SLCO1A2: variants seen among roughly 807,000 people sequenced by gnomAD.
SLCO1A2 encodes solute carrier organic anion transporter family member 1A2.
A neutral mutation model predicts 69.0 loss-of-function variants in SLCO1A2; 67 were observed. That is an observed-to-expected ratio of 0.97 (90% CI 0.80 to 1.19). The LOEUF is 1.19. Among genes scored for constraint, SLCO1A2 ranks in the 50% most tolerant of loss-of-function variants. The probability of loss-of-function intolerance (pLI) is 0.00; values close to 1 mark genes in which losing one functional copy is unlikely to be tolerated. For missense variants in SLCO1A2, 787 were observed against 793.7 expected (o/e 0.99, Z 0.10); for synonymous variants, 260 against 265.9 (o/e 0.98, Z 0.22).
rs1942000838 is a variant in SLCO1A2, at chr12:21,265,713, G to A, written c.*3835C>T. On this transcript the variant is annotated 3_prime_UTR_variant, in exon 15 of 15. Coordinates refer to ENST00000683939, the MANE Select transcript of SLCO1A2 (RefSeq NM_001386879.1). ...AAGGGCTCAGGAGAATTTCCTCAAG[G>A]TGTCTTGAAACCTGCACTCTCCAGT... 1 of 152,044 alleles carries A rather than the reference G, an allele frequency of 6.6e-6. No individual in the cohort carries two copies. The highest frequency in any genetic ancestry group is 1.5e-5 in the Non-Finnish European group (1 of 68,012). 9.4% of individuals were successfully genotyped at this position (152,044 alleles called of 1,614,324 possible).
chr12:21,301,940 C>T (rs1341608742), intron 6 of SLCO1A2, among the ~76,000 whole-genome samples: 1 of 152,146 alleles, frequency 6.6e-6, no homozygotes, highest in African/African-American at 2.4e-5. Flanking sequence ...ACACGAGCTT[C>T]TTCAACTTTC....
At chr12:21,299,923 C>T (rs1038284650) in intron 8 of SLCO1A2, among the ~76,000 whole-genome samples, 8 of 138,948 alleles carry the variant, frequency 5.8e-5, no homozygotes, top group East Asian at 2.4e-4. Flanking sequence ...TATATATATA[C>T]ATGACCCTCT....
At chr12:21,363,127 T>C (rs1243216054) in intron 2 of SLCO1A2, among the ~76,000 whole-genome samples, 1 of 152,172 alleles carries the variant, frequency 6.6e-6, no homozygotes, top group Non-Finnish European at 1.5e-5. Context: ...TATTCCAAAA[T>C]GGACCACATA....
At chr12:21,352,943 T>A (rs2137017966) in intron 2 of SLCO1A2, among the ~76,000 whole-genome samples, 1 of 152,306 alleles carries the variant, frequency 6.6e-6, no homozygotes, top group African/African-American at 2.4e-5. Context: ...CACAAGTTAT[T>A]AAACTTTCGA....
Position 21,269,693 on chromosome 12 carries a change from A to C in SLCO1A2, c.1868T>G (p.Leu623Trp). The C allele has an allele frequency of 6.2e-7, 1 of 1,612,760 alleles. No individual in the cohort carries two copies. The highest frequency in any genetic ancestry group is 8.5e-7 in the Non-Finnish European group (1 of 1,179,090). Residue 623 changes from leucine (L) to tryptophan (W), a missense_variant, in exon 15 of 15, where the codon TTG (leucine) becomes TGG (tryptophan). Transcript: ENST00000683939. ...TTCACCAGGTAGATGACACTTCCTC[A>C]AAAGAATTAAGATGATTAAGGCTGG... Reference protein sequence around the residue: ...FVPALIILILLRKCHLPGENA... With the variant: ...FVPALIILILWRKCHLPGENA...
intron 2 of SLCO1A2, 84 bp downstream of exon 2, chr12:21,334,504 G>T: frequency 3.2e-6 from 3 of 935,592 alleles, no homozygotes; most frequent in Non-Finnish European, 5.0e-6. Flanking sequence ...ATCACTTCAT[G>T]CAGATAGGAG....
chr12:21,397,572 T>G (rs1021147439), upstream of SLCO1A2, among the ~76,000 whole-genome samples: 8 of 152,144 alleles, frequency 5.3e-5, no homozygotes, highest in Non-Finnish European at 1.2e-4. Context: ...GAATATACAT[T>G]TTTTTCAGCA....
rs986792372 is a variant in SLCO1A2 at position 21,304,570 on chromosome 12, C to A, written c.446G>T (p.Cys149Phe). Reference protein sequence around the residue: ...ILRPTQDPSECTKEVKSLMWV... With the variant: ...ILRPTQDPSEFTKEVKSLMWV... Reference sequence around the variant, plus strand: ...CATTAATGATTTAACTTCCTTTGTACACTCTGCATTAAAAAAAAAAGACAT... The same window carrying A: ...CATTAATGATTTAACTTCCTTTGTAAACTCTGCATTAAAAAAAAAAGACAT... The change falls in exon 6 of 15, where the codon TGT becomes TTT. Residue 149 changes from cysteine to phenylalanine, a missense_variant. Physicochemically the swap from Cys to Phe is radical, Grantham distance 205 (BLOSUM62 -2). Transcript: ENST00000683939. 2.5e-6 allele frequency: 4 copies of A among 1,585,794 alleles called. No homozygotes were observed. The highest frequency in any genetic ancestry group is 3.4e-6 in the Non-Finnish European group (4 of 1,172,512).
chr12:21,418,902 T>A (rs755634852), upstream of SLCO1A2, among the ~76,000 whole-genome samples: 6 of 152,152 alleles, frequency 3.9e-5, no homozygotes, highest in Non-Finnish European at 7.3e-5. Context: ...CTAAGAATAG[T>A]TTTTATATTT....
At chr12:21,310,849 C>T (rs922923330) in intron 4 of SLCO1A2, among the ~76,000 whole-genome samples, 2 of 152,138 alleles carry the variant, frequency 1.3e-5, no homozygotes, top group East Asian at 1.9e-4. Flanking sequence ...GTGATCCGCC[C>T]GCCTTGGCCT....
intron 2 of SLCO1A2, among the ~76,000 whole-genome samples, chr12:21,346,387 A>T (rs1423473565): frequency 1.3e-5 from 2 of 152,170 alleles, no homozygotes; most frequent in Non-Finnish European, 2.9e-5. Flanking sequence ...AAACACGGAT[A>T]TATTTTTACT....
At chr12:21,385,008 G>A (rs902470677) in intron 1 of SLCO1A2, among the ~76,000 whole-genome samples, 3 of 151,966 alleles carry the variant, frequency 2.0e-5, no homozygotes, top group African/African-American at 7.3e-5. Context: ...CTCGTCATCC[G>A]TCCGTCTCGG....
chr12:21,306,870 G>A lies in SLCO1A2; in HGVS notation c.442+12C>T. ...TTCGCTGAACAAAAATCAATACAAT[G>A]AAGTAGACAACCTGATGGATCCTGC... On this transcript the variant is annotated intron_variant, in intron 5 of 14. Transcript: ENST00000683939. 1 of 1,590,328 alleles carries A rather than the reference G, an allele frequency of 6.3e-7. No homozygotes were observed.
chr12:21,290,600 C>T (rs766468495), intron 12 of SLCO1A2, among the ~76,000 whole-genome samples: 6 of 151,914 alleles, frequency 3.9e-5, no homozygotes, highest in African/African-American at 1.5e-4. Flanking sequence ...CTTTATTATT[C>T]GGAGAAAAAT....
intron 2 of SLCO1A2, among the ~76,000 whole-genome samples, chr12:21,358,516 A>G (rs1211743064): frequency 2.6e-5 from 4 of 152,306 alleles, no homozygotes; most frequent in South Asian, 2.1e-4. Flanking sequence ...TAACACAAAA[A>G]GTATTATAAT....
chr12:21,378,709 C>T (rs552412745), intron 1 of SLCO1A2: 22 of 298,456 alleles, frequency 7.4e-5, no homozygotes, highest in African/African-American at 2.6e-4. Context: ...GGTTTAAGAA[C>T]GAAGGAGAAA....
intron 14 of SLCO1A2, among the ~76,000 whole-genome samples, chr12:21,273,399 C>T (rs991608155): frequency 4.6e-5 from 7 of 152,122 alleles, no homozygotes; most frequent in Admixed American, 2.6e-4. Context: ...ACAAGAAAAG[C>T]AGAAATGTAG....
rs143252087 is a variant in SLCO1A2 at position 21,318,879 on chromosome 12, C to G, written c.105G>C (p.Leu35=). The change falls in exon 3 of 15, where the codon CTG becomes CTC. Residue 35 remains leucine, a synonymous_variant. Coordinates refer to ENST00000683939, the MANE Select transcript of SLCO1A2 (RefSeq NM_001386879.1). ...GCATGGAATTCATATAAGATCCAGA[C>G]AGTGTTTTGGATACAAATGCACATG... is the stretch of plus-strand genomic sequence containing the variant. ...AITCAFVSKT[L]SGSYMNSMLT... 45 of 1,608,650 alleles carry G rather than the reference C, an allele frequency of 2.8e-5. No individual in the cohort carries two copies. The highest frequency in any genetic ancestry group is 2.2e-5 in the East Asian group (1 of 44,700).
Position 21,296,951 on chromosome 12 carries a change from C to T in SLCO1A2, c.1075+453G>A, listed in dbSNP as rs4508253. ...GAGGTTAGTGTGGTTGCAGGAAAAG[C>T]CGAATGTGTGTGGCTGCAGAGACAC... On this transcript the variant is annotated intron_variant, in intron 9 of 14. Transcript: ENST00000683939. Among the ~76,000 whole-genome samples the T allele has an allele frequency of 4.5e-3, 678 of 152,204 alleles. 16 individuals are homozygous for T. The highest frequency in any genetic ancestry group is 0.035 in the Admixed American group (534 of 15,274).
Sources: gnomAD v4.1 joint callset for allele counts (sites outside exome capture counted in the v4.1 genomes callset) on GRCh38, gnomAD v4.1.1 for gene constraint, MANE v1.5 for transcripts, NCBI Gene and HGNC (gene_info 2026-07-23, HGNC 2026-07-21) for gene names.